Variants in SCFD2 observed in about 807,000 individuals in gnomAD.
SCFD2 encodes sec1 family domain containing 2.
A neutral mutation model predicts 58.9 loss-of-function variants in SCFD2; 54 were observed. The ratio of observed to expected loss-of-function variants is 0.92; its 90% CI spans 0.74 to 1.15. The LOEUF is 1.15. Ranked by LOEUF, SCFD2 falls within the 50% of genes most tolerant of loss-of-function variation. The pLI is 0.00. For synonymous variants in SCFD2, 321 were observed against 335.9 expected, an observed-to-expected ratio of 0.96 and a Z score of 0.49; for missense variants, 805 against 836.6, an observed-to-expected ratio of 0.96 and a Z score of 0.47.
At chr4:53,237,644 C>T (rs1729684799) in intron 4 of SCFD2, among the ~76,000 whole-genome samples, 1 of 136,076 alleles carries the variant, frequency 7.3e-6, no homozygotes, top group Non-Finnish European at 1.6e-5. Flanking sequence ...GGGCGGGGGG[C>T]TGACCCCCCC....
chr4:53,045,925 GA>G lies in SCFD2; in HGVS notation c.1561+99407del, dbSNP rs11430321. ...TATAAATGTTTACTATTTGTGAAAT[GA>G]AAAAAAAAATCTATAGCTTTGTAGA... On this transcript the variant is annotated intron_variant, in intron 5 of 8. Coordinates refer to ENST00000401642, the MANE Select transcript of SCFD2 (RefSeq NM_152540.4). Among the ~76,000 whole-genome samples, 711 of 149,922 alleles carry G rather than the reference GA, an allele frequency of 4.7e-3. 2 individuals carry two copies. The highest frequency in any genetic ancestry group is 0.017 in the African/African-American group (681 of 40,880).
At chr4:52,972,035 A>C (rs889777965) in intron 5 of SCFD2, among the ~76,000 whole-genome samples, 18 of 152,356 alleles carry the variant, frequency 1.2e-4, no homozygotes, top group African/African-American at 4.1e-4. Flanking sequence ...ATGGAAAGGA[A>C]TAACTGGTAC....
chr4:53,224,026 G>A lies in SCFD2; in HGVS notation c.1311+49800C>T, dbSNP rs146113147. ...TCTAATTCTTTTCCCTTCATTCTGG[G>A]CTAGTCAATTAAGTTCCTTCATTCT... On this transcript the variant is annotated intron_variant, in intron 4 of 8. Transcript: ENST00000401642. Among the ~76,000 whole-genome samples, 474 of 152,222 alleles carry A rather than the reference G, an allele frequency of 3.1e-3. 3 individuals are homozygous for A. The highest frequency in any genetic ancestry group is 0.011 in the African/African-American group (452 of 41,548).
At chr4:53,062,806 T>C (rs1459498596) in intron 5 of SCFD2, among the ~76,000 whole-genome samples, 1 of 152,078 alleles carries the variant, frequency 6.6e-6, no homozygotes, top group Non-Finnish European at 1.5e-5. Flanking sequence ...TCATTTCAAG[T>C]GAGAGGAGAT....
chr4:53,249,980 G>A (rs1181018847), intron 4 of SCFD2, among the ~76,000 whole-genome samples: 1 of 152,128 alleles, frequency 6.6e-6, no homozygotes, highest in Admixed American at 6.6e-5. Flanking sequence ...TGAACTAAAT[G>A]CTCCCATTAA....
At chr4:52,929,351 TAACAA>T (rs1248898186) in intron 5 of SCFD2, among the ~76,000 whole-genome samples, 1 of 152,294 alleles carries the variant, frequency 6.6e-6, no homozygotes, top group African/African-American at 2.4e-5. Flanking sequence ...CTTAAAAATA[TAACAA>T]AACAAAAACC....
At chr4:53,169,310 C>T (rs866230007) in intron 4 of SCFD2, among the ~76,000 whole-genome samples, 2 of 151,810 alleles carry the variant, frequency 1.3e-5, no homozygotes, top group Non-Finnish European at 2.9e-5. Context: ...TTCAGTGAGC[C>T]GAGATGGCAC....
intron 4 of SCFD2, among the ~76,000 whole-genome samples, chr4:53,203,155 C>T (rs937140866): frequency 1.3e-5 from 2 of 152,152 alleles, no homozygotes; most frequent in Admixed American, 6.5e-5. Flanking sequence ...ATGATATTGG[C>T]TGTGGGTGTG....
At position 52,928,810 on chromosome 4, in the gene SCFD2, G is replaced by A. The variant is rs575956900; in HGVS notation, c.1562-7940C>T. 4.6e-5 allele frequency among the ~76,000 whole-genome samples: 7 copies of A among 152,290 alleles called. No homozygotes were observed. In the East Asian group the frequency reaches 1.2e-3, roughly 25 times the overall value. ...ACTCTGGACTCGCCTTGCATGCCTA[G>A]CACAGTGCTTAGCTCACAGAAGACA... On this transcript the variant is annotated intron_variant, in intron 5 of 8. Transcript: ENST00000401642.
At chr4:53,254,191 T>G (rs1028246410) in intron 4 of SCFD2, among the ~76,000 whole-genome samples, 1 of 152,126 alleles carries the variant, frequency 6.6e-6, no homozygotes, top group Non-Finnish European at 1.5e-5. Flanking sequence ...CATCCAAATC[T>G]CACCTTGAAT....
intron 4 of SCFD2, among the ~76,000 whole-genome samples, chr4:53,242,103 C>T (rs962684544): frequency 2.6e-5 from 4 of 152,378 alleles, no homozygotes; most frequent in Middle Eastern, 3.4e-3. Flanking sequence ...CACCCACTAG[C>T]ATCCTGCCGC....
intron 7 of SCFD2, among the ~76,000 whole-genome samples, chr4:52,886,546 G>A (rs2109448263): frequency 6.6e-6 from 1 of 152,364 alleles, no homozygotes; most frequent in South Asian, 2.1e-4. Flanking sequence ...GCCAGGTATG[G>A]CCCAGTGGGC....
chr4:53,328,458 C>T (rs1733289057), intron 2 of SCFD2, among the ~76,000 whole-genome samples: 1 of 152,016 alleles, frequency 6.6e-6, no homozygotes, highest in Non-Finnish European at 1.5e-5. Context: ...CAAAAAGACA[C>T]AGAAGTCAGG....
intron 8 of SCFD2, among the ~76,000 whole-genome samples, chr4:52,876,208 TAAC>T (rs1482803533): frequency 6.6e-6 from 1 of 151,790 alleles, no homozygotes; most frequent in Non-Finnish European, 1.5e-5. Flanking sequence ...AGAAGGAAAA[TAAC>T]AGTGCCAAGC....
chr4:53,293,660 C>T (rs575652121), intron 3 of SCFD2, among the ~76,000 whole-genome samples: 1 of 152,234 alleles, frequency 6.6e-6, no homozygotes, highest in East Asian at 1.9e-4. Context: ...AAATTCAGTG[C>T]TAACATCATA....
In SCFD2 at chr4:53,192,684, T is replaced by C. The variant is rs116380589; in HGVS notation, c.1312-47102A>G. ...TCCTCTCTTATCTACAAAATGGGGA[T>C]GGTAATTCCTCCTCTGCCTTACTCA... On this transcript the variant is annotated intron_variant, in intron 4 of 8. Coordinates refer to ENST00000401642, the MANE Select transcript of SCFD2 (RefSeq NM_152540.4). 1.4e-3 allele frequency among the ~76,000 whole-genome samples: 211 copies of C among 152,300 alleles called. 1 individual carries two copies. Among genetic ancestry groups the C allele is most frequent in the African/African-American group, 4.7e-3 (196 of 41,566 alleles).
chr4:52,943,053 A>G (rs1408855108), intron 5 of SCFD2, among the ~76,000 whole-genome samples: 1 of 152,204 alleles, frequency 6.6e-6, no homozygotes, highest in Non-Finnish European at 1.5e-5. Flanking sequence ...AATAATTTAA[A>G]CAAAACAAAG....
chr4:53,153,439 G>C (rs1577782215), intron 4 of SCFD2, among the ~76,000 whole-genome samples: 1 of 152,334 alleles, frequency 6.6e-6, no homozygotes, highest in Admixed American at 6.5e-5. Flanking sequence ...AGCTGGAGCT[G>C]GAGTGGCCAG....
intron 2 of SCFD2, 73 bp from the exon 3 acceptor site, chr4:53,313,836 C>T (rs1360902636): frequency 9.1e-6 from 13 of 1,426,894 alleles, no homozygotes; most frequent in East Asian, 2.3e-5. Context: ...AAGCAAAATA[C>T]TTTTTAAAAT....
Sources: gnomAD v4.1 joint callset for allele counts (sites outside exome capture counted in the v4.1 genomes callset) on GRCh38, gnomAD v4.1.1 for gene constraint, MANE v1.5 for transcripts, NCBI Gene and HGNC (gene_info 2026-07-23, HGNC 2026-07-21) for gene names.